Variants in NOL12 observed in about 807,000 individuals in gnomAD.
The protein encoded by NOL12 is nucleolar protein 12.
In NOL12, 21 loss-of-function variants were observed where a neutral mutation model predicts 25.2. The ratio of observed to expected loss-of-function variants is 0.83; its 90% CI spans 0.59 to 1.20. The LOEUF (loss-of-function observed/expected upper bound fraction) is 1.20. Among genes scored for constraint, NOL12 ranks in the 50% most tolerant of loss-of-function variants. NOL12 has a pLI of 0.00. For synonymous variants in NOL12, 133 were observed against 113.8 expected (o/e 1.17, Z -1.08); for missense variants, 286 against 287.6 (o/e 0.99, Z 0.04).
At position 37,691,290 on chromosome 22, in the gene NOL12, C is replaced by G. The variant is rs747615450; in HGVS notation, c.596C>G (p.Ala199Gly). ...KPPRAPRTSK[A>G]QRRRLTGKAR... Reference sequence around the variant, plus strand: ...CCAAGGGCCCCTCGTACCAGCAAGGCCCAGCGCCGCCGTCTCACAGGCAAA... The same window carrying G: ...CCAAGGGCCCCTCGTACCAGCAAGGGCCAGCGCCGCCGTCTCACAGGCAAA... Residue 199 changes from alanine to glycine, a missense_variant, in exon 6 of 6, where the codon GCC becomes GGC. By Grantham distance (60) the Ala-to-Gly change is moderately conservative (BLOSUM62 0). Coordinates refer to ENST00000359114, the MANE Select transcript of NOL12 (RefSeq NM_024313.3). The G allele has an allele frequency of 6.2e-7, 1 of 1,613,822 alleles. No individual in the cohort carries two copies. Among genetic ancestry groups the G allele is most frequent in the Non-Finnish European group, 8.5e-7 (1 of 1,179,868 alleles).
intron 1 of NOL12, among the ~76,000 whole-genome samples, chr22:37,687,386 A>G (rs139745017): frequency 1.9e-3 from 289 of 151,952 alleles, no homozygotes; most frequent in African/African-American, 6.8e-3. Flanking sequence ...ACCTTGGGCA[A>G]GTAACCTAGA....
At chr22:37,690,492 A>G (rs1247496794) in intron 4 of NOL12, among the ~76,000 whole-genome samples, 3 of 152,280 alleles carry the variant, frequency 2.0e-5, no homozygotes, top group East Asian at 1.9e-4. Flanking sequence ...GGGGCAGGAA[A>G]GGGTTTGGAA....
intron 1 of NOL12, chr22:37,687,048 G>A (rs1601605618): frequency 1.0e-6 from 1 of 985,438 alleles, no homozygotes; most frequent in Admixed American, 6.1e-5. Flanking sequence ...ACCGAGGGAA[G>A]GAGGTAGGGA....
At chr22:37,686,817 T>C in intron 1 of NOL12, 3 of 985,374 alleles carry the variant, frequency 3.0e-6, no homozygotes, top group Non-Finnish European at 3.6e-6. Context: ...GCCAATGAAA[T>C]GAGAGTGGCT....
chr22:37,689,946 C>T (rs1487790574), intron 4 of NOL12, among the ~76,000 whole-genome samples: 1 of 152,134 alleles, frequency 6.6e-6, no homozygotes, highest in Non-Finnish European at 1.5e-5. Flanking sequence ...CCGAGGCGGG[C>T]GAATCACCTG....
In NOL12 at chr22:37,691,410, C is replaced by T; in HGVS notation, c.*74C>T. The T allele has an allele frequency of 6.9e-7, 1 of 1,459,524 alleles. No individual in the cohort carries two copies. The highest frequency in any genetic ancestry group is 9.2e-7 in the Non-Finnish European group (1 of 1,092,276). 90.4% of individuals were successfully genotyped at this position (1,459,524 alleles called of 1,614,324 possible). The stretch of plus-strand genomic sequence containing the variant: ...TGCTCAGCTTGGCTGTCCCTGTAGC[C>T]CAGCCTGCACCTAGGTAATGACTGC... On this transcript the variant is annotated 3_prime_UTR_variant, in exon 6 of 6. Transcript: ENST00000359114.
chr22:37,687,809 C>A, intron 1 of NOL12, 101 bp from the exon 2 acceptor site: 1 of 835,650 alleles, frequency 1.2e-6, no homozygotes, highest in Non-Finnish European at 2.0e-6. Flanking sequence ...GGAATGGTGC[C>A]TAGCACATAG....
intron 1 of NOL12, 120 bp from the exon 2 acceptor site, chr22:37,687,790 C>T: frequency 2.9e-6 from 2 of 693,430 alleles, no homozygotes; most frequent in Non-Finnish European, 5.0e-6. Flanking sequence ...CTAATACTTA[C>T]ACTTTTTTGG....
chr22:37,690,792 G>T lies in NOL12; in HGVS notation c.477G>T (p.Gln159His), dbSNP rs1296644187. 6.2e-7 allele frequency: 1 copy of T among 1,612,290 alleles called. No individual in the cohort carries two copies. Among genetic ancestry groups the T allele is most frequent in the East Asian group, 2.2e-5 (1 of 44,868 alleles). Reference sequence around the variant, plus strand: ...AGTCCAGAGACCCCCTGCTCTCTCAGCGGTGAGTCTTGGCCTGCTGCCTCC... The same window carrying T: ...AGTCCAGAGACCCCCTGCTCTCTCATCGGTGAGTCTTGGCCTGCTGCCTCC... ...PRKSRDPLLS[Q>H]RISSLTASLH... Residue 159 changes from glutamine to histidine, a missense_variant and splice_region_variant, in exon 5 of 6, where the codon CAG (glutamine) becomes CAT (histidine). Transcript: ENST00000359114.
chr22:37,688,077 T>G (rs1921901935), intron 2 of NOL12, 62 bp downstream of exon 2: 4 of 1,415,146 alleles, frequency 2.8e-6, no homozygotes, highest in Admixed American at 3.9e-5. Flanking sequence ...GCCTTGGATT[T>G]CCCTAATAGA....
chr22:37,692,711 G>C lies in NOL12; in HGVS notation c.*1375G>C. The C allele has an allele frequency of 2.5e-6, 1 of 399,106 alleles. No individual in the cohort carries two copies. The highest frequency in any genetic ancestry group is 4.4e-6 in the Non-Finnish European group (1 of 226,434). 24.7% of individuals were successfully genotyped at this position (399,106 alleles called of 1,614,324 possible). A position where few individuals can be genotyped will look rare whatever the true frequency, so the allele number is the denominator to read the frequency against. ...TGCGACAGGACTGCGGGCTCTACCC[G>C]CCCTGATGTGGGAGCTCCTGGAGTG... On this transcript the variant is annotated 3_prime_UTR_variant, in exon 6 of 6. Coordinates refer to ENST00000359114, the MANE Select transcript of NOL12 (RefSeq NM_024313.3).
At chr22:37,690,657 G>GC (rs780402127) in intron 4 of NOL12, 40 bp from the exon 5 acceptor site, 4 of 1,507,156 alleles carry the variant, frequency 2.7e-6, no homozygotes, top group African/African-American at 2.8e-5. Flanking sequence ...GGTCCCCCCA[G>GC]CTACTGCTCC....
At chr22:37,687,870 TATA>T in intron 1 of NOL12, 37 bp from the exon 2 acceptor site, 1 of 1,480,270 alleles carries the variant, frequency 6.8e-7, no homozygotes, top group Non-Finnish European at 9.2e-7. Flanking sequence ...TCTCTCCTTG[TATA>T]ATGACTCTCC....
chr22:37,687,683 C>A (rs990092074), intron 1 of NOL12: 51 of 387,860 alleles, frequency 1.3e-4, no homozygotes, highest in Non-Finnish European at 1.5e-5. Flanking sequence ...GTCTTGAACT[C>A]CTGGCGTCAT....
rs374597579 is a variant in NOL12 at position 37,688,959 on chromosome 22, G to A, written c.348G>A (p.Ser116=). ...CCACCATCAGTGACCTGGACCTCTC[G>A]GGGGCCCGGCTGCTCGGGCTGACCC... ...TVTTISDLDL[S]GARLLGLTPP... Residue 116 remains serine, a synonymous_variant, in exon 4 of 6, where the codon TCG becomes TCA. Transcript: ENST00000359114. 15 of 1,613,378 alleles carry A rather than the reference G, an allele frequency of 9.3e-6. No individual in the cohort carries two copies. The African/African-American group carries it at 1.5e-4, about 16-fold the overall frequency.
At chr22:37,687,119 G>C in intron 1 of NOL12, 9 of 984,168 alleles carry the variant, frequency 9.1e-6, no homozygotes, top group Non-Finnish European at 1.1e-5. Context: ...GGCGAGTTTA[G>C]GGTCAGGTGT....
In NOL12 at chr22:37,691,539, C is replaced by A; in HGVS notation, c.*203C>A. On this transcript the variant is annotated 3_prime_UTR_variant, in exon 6 of 6. Coordinates refer to ENST00000359114, the MANE Select transcript of NOL12 (RefSeq NM_024313.3). The stretch of plus-strand genomic sequence containing the variant: ...GGGTTTGAATTCCCGAAGGAGCAGG[C>A]AGCTGAGAGCAGGCCTCCCCCAGGA... 3.4e-6 allele frequency: 2 copies of A among 584,724 alleles called. No homozygotes were observed. Among genetic ancestry groups the A allele is most frequent in the Non-Finnish European group, 5.5e-6 (2 of 361,852 alleles). The allele number at this position is 584,724 out of a possible 1,614,324, so 36.2% of individuals were successfully genotyped here.
In NOL12 at chr22:37,687,943, C is replaced by G. The variant is rs767529367; in HGVS notation, c.117C>G (p.Val39=). The change falls in exon 2 of 6, where the codon GTC becomes GTG. Residue 39 remains valine (V), a synonymous_variant. Transcript: ENST00000359114. Reference sequence around the variant, plus strand: ...TGACAGGCTTCCACAAGCGGAAGGTCGAGCGAAAGAAGGCAGCCATTGAGG... The same window carrying G: ...TGACAGGCTTCCACAAGCGGAAGGTGGAGCGAAAGAAGGCAGCCATTGAGG... ...EYLTGFHKRK[V]ERKKAAIEEI... is the part of the protein sequence containing the mutation. The G allele has an allele frequency of 1.0e-5, 16 of 1,585,098 alleles. No individual in the cohort carries two copies. Among genetic ancestry groups the G allele is most frequent in the African/African-American group, 9.4e-5 (7 of 74,356 alleles).
At position 37,692,162 on chromosome 22, in the gene NOL12, GC is replaced by G. The variant is rs1922099997; in HGVS notation, c.*828del. ...ACTTAAGGTCGGGAGCTCGAGACCA[GC>G]CTGGCCAACATGGTGAAACCCTGTC... On this transcript the variant is annotated 3_prime_UTR_variant, in exon 6 of 6. Transcript: ENST00000359114. 1.0e-5 allele frequency: 2 copies of G among 193,744 alleles called. No homozygotes were observed. The highest frequency in any genetic ancestry group is 2.1e-5 in the Non-Finnish European group (2 of 96,134). The allele number at this position is 193,744 out of a possible 1,614,324, so 12.0% of individuals were successfully genotyped here. A position where few individuals can be genotyped will look rare whatever the true frequency, so the allele number is the denominator to read the frequency against.
Sources: gnomAD v4.1 joint callset for allele counts (sites outside exome capture counted in the v4.1 genomes callset) on GRCh38, gnomAD v4.1.1 for gene constraint, MANE v1.5 for transcripts, NCBI Gene and HGNC (gene_info 2026-07-23, HGNC 2026-07-21) for gene names.